Variants in RAPGEF5 observed in about 807,000 individuals in gnomAD.
RAPGEF5 encodes the protein M-Ras-regulated GEF.
A neutral mutation model predicts 125.2 loss-of-function variants in RAPGEF5; 65 were observed. The observed-to-expected ratio is 0.52, with a 90% confidence interval of 0.43 to 0.64. The LOEUF (loss-of-function observed/expected upper bound fraction) is 0.64. RAPGEF5 is among the 30% of genes least tolerant of loss of function. RAPGEF5 has a pLI of 0.00. For missense variants in RAPGEF5, 958 were observed against 1,048.1 expected, an observed-to-expected ratio of 0.91 and a Z score of 1.19; for synonymous variants, 391 against 385.9, an observed-to-expected ratio of 1.01 and a Z score of -0.16.
Position 22,140,115 on chromosome 7 carries a change from G to A in RAPGEF5, c.2187C>T (p.His729=). The A allele has an allele frequency of 6.4e-7, 1 of 1,553,218 alleles. No homozygotes were observed. The highest frequency in any genetic ancestry group is 8.7e-7 in the Non-Finnish European group (1 of 1,147,096). ...AATTCAGGTTTCTCTGGGCTTTGCAGCTATAAAATAAAAGAGAGTAGAGGA... is the reference window on the plus strand; with the variant it reads ...AATTCAGGTTTCTCTGGGCTTTGCAACTATAAAATAAAAGAGAGTAGAGGA... ...LVKKFIKIAA[H]CKAQRNLNSF... is the part of the protein sequence containing the mutation. Residue 729 remains histidine (H), a splice_region_variant and synonymous_variant, in exon 21 of 26, where the codon CAC becomes CAT. Transcript: ENST00000665637.
intron 11 of RAPGEF5, among the ~76,000 whole-genome samples, chr7:22,172,118 T>G (rs1784368081): frequency 6.6e-6 from 1 of 152,104 alleles, no homozygotes; most frequent in South Asian, 2.1e-4. Flanking sequence ...CTGCTACTAT[T>G]TTAATTTTTG....
intron 5 of RAPGEF5, among the ~76,000 whole-genome samples, chr7:22,292,527 C>CT (rs1423307288): frequency 2.0e-5 from 3 of 152,132 alleles, no homozygotes; most frequent in African/African-American, 7.2e-5. Context: ...AACTTGGGAT[C>CT]TTTTTTTAAT....
At chr7:22,173,472 G>GA (rs1784413053) in intron 11 of RAPGEF5, among the ~76,000 whole-genome samples, 2 of 152,086 alleles carry the variant, frequency 1.3e-5, no homozygotes, top group Non-Finnish European at 2.9e-5. Context: ...ATTTGTGGCA[G>GA]AAAAAAAGTG....
At chr7:22,176,543 G>A (rs1784514437) in intron 11 of RAPGEF5, among the ~76,000 whole-genome samples, 1 of 152,104 alleles carries the variant, frequency 6.6e-6, no homozygotes, top group Non-Finnish European at 1.5e-5. Context: ...GTTTATTTTT[G>A]AGATAGAGTC....
Position 22,271,749 on chromosome 7 carries a change from T to C in RAPGEF5, c.748-4737A>G, listed in dbSNP as rs1440162770. 7.9e-5 allele frequency among the ~76,000 whole-genome samples: 12 copies of C among 152,354 alleles called. No homozygotes were observed. In the East Asian group the frequency reaches 2.1e-3, roughly 27 times the overall value. ...AACTAGAGTCAGAAACATGTTGAAATGTTTTGGCTTTCTATCTTGGATAAC... is the reference window on the plus strand; with the variant it reads ...AACTAGAGTCAGAAACATGTTGAAACGTTTTGGCTTTCTATCTTGGATAAC... On this transcript the variant is annotated intron_variant, in intron 6 of 25. Coordinates refer to ENST00000665637, the MANE Select transcript of RAPGEF5 (RefSeq NM_012294.5).
chr7:22,143,261 T>G (rs1783322868), intron 20 of RAPGEF5, among the ~76,000 whole-genome samples: 1 of 152,198 alleles, frequency 6.6e-6, no homozygotes, highest in Non-Finnish European at 1.5e-5. Context: ...TTATCTATCC[T>G]TCCATGCCCA....
intron 11 of RAPGEF5, chr7:22,191,620 T>G: frequency 2.1e-6 from 1 of 470,868 alleles, no homozygotes; most frequent in Non-Finnish European, 4.4e-6. Flanking sequence ...AAGTGACACA[T>G]GTGATCCCAG....
At chr7:22,209,123 T>C (rs565464607) in intron 9 of RAPGEF5, among the ~76,000 whole-genome samples, 1 of 152,310 alleles carries the variant, frequency 6.6e-6, no homozygotes, top group African/African-American at 2.4e-5. Flanking sequence ...GAGATAAAGG[T>C]CAGAGGTGAT....
rs113271973 is a variant in RAPGEF5, at chr7:22,229,660, T to C, written c.870+1186A>G. Among the ~76,000 whole-genome samples the C allele has an allele frequency of 4.9e-3, 742 of 152,344 alleles. 10 individuals carry two copies. Among genetic ancestry groups the C allele is most frequent in the South Asian group, 0.027 (129 of 4,834 alleles). Reference sequence around the variant, plus strand: ...CACCTCGCATGACTTGAACTACTTATTCCATCCAGAGAACTTATATAGACG... The same window carrying C: ...CACCTCGCATGACTTGAACTACTTACTCCATCCAGAGAACTTATATAGACG... On this transcript the variant is annotated intron_variant, in intron 8 of 25. Coordinates refer to ENST00000665637, the MANE Select transcript of RAPGEF5 (RefSeq NM_012294.5).
intron 19 of RAPGEF5, among the ~76,000 whole-genome samples, chr7:22,145,949 T>G (rs1783423750): frequency 6.6e-6 from 1 of 151,518 alleles, no homozygotes; most frequent in African/African-American, 2.4e-5. Flanking sequence ...GAGATTTGTT[T>G]TTAAATGTGT....
intron 1 of RAPGEF5, among the ~76,000 whole-genome samples, chr7:22,326,484 G>A (rs7797387): frequency 0.32 from 49,154 of 152,098 alleles, 8,086 homozygotes; most frequent in Non-Finnish European, 0.35. Flanking sequence ...GACCTTTACA[G>A]AAAAGGTTGG....
At chr7:22,127,234 T>TTAGTAAAGA (rs1782777356) in intron 24 of RAPGEF5, among the ~76,000 whole-genome samples, 1 of 151,996 alleles carries the variant, frequency 6.6e-6, no homozygotes, top group Non-Finnish European at 1.5e-5. Context: ...AGACAGGGTT[T>TTAGTAAAGA]CACCATGTTC....
At chr7:22,258,238 C>T (rs149607399) in intron 7 of RAPGEF5, among the ~76,000 whole-genome samples, 1,900 of 152,150 alleles carry the variant, frequency 0.012, 20 homozygotes, top group Middle Eastern at 0.027. Flanking sequence ...AGATTGAAAG[C>T]GAAGAACAAA....
intron 7 of RAPGEF5, among the ~76,000 whole-genome samples, chr7:22,239,350 T>C (rs375630388): frequency 1.3e-5 from 2 of 152,190 alleles, no homozygotes; most frequent in Non-Finnish European, 2.9e-5. Flanking sequence ...AAGAAATGTA[T>C]TATTTTTATT....
chr7:22,232,924 G>A (rs1786095432), intron 7 of RAPGEF5, among the ~76,000 whole-genome samples: 1 of 152,198 alleles, frequency 6.6e-6, no homozygotes, highest in South Asian at 2.1e-4. Flanking sequence ...GGATAACTCT[G>A]ACCAGCTGAG....
chr7:22,169,784 C>T (rs1784287715), intron 11 of RAPGEF5, among the ~76,000 whole-genome samples: 2 of 133,912 alleles, frequency 1.5e-5, no homozygotes, highest in Non-Finnish European at 1.5e-5. Context: ...GGCTTGAACT[C>T]AGGCGGTGGA....
intron 25 of RAPGEF5, among the ~76,000 whole-genome samples, chr7:22,123,688 T>A (rs534371154): frequency 6.6e-6 from 1 of 152,224 alleles, no homozygotes; most frequent in Non-Finnish European, 1.5e-5. Context: ...GTAAACACAC[T>A]AGGTGTTAAA....
At chr7:22,234,819 GCAAA>G (rs963249734) in intron 7 of RAPGEF5, among the ~76,000 whole-genome samples, 6 of 151,550 alleles carry the variant, frequency 4.0e-5, no homozygotes, top group Non-Finnish European at 5.9e-5. Flanking sequence ...GTGCTAAAAT[GCAAA>G]CAAACAAACA....
intron 7 of RAPGEF5, among the ~76,000 whole-genome samples, chr7:22,264,105 T>G (rs928167353): frequency 6.6e-6 from 1 of 152,096 alleles, no homozygotes; most frequent in Admixed American, 6.6e-5. Context: ...ATTTTATTAT[T>G]TCCTTATCAT....
Sources: allele counts gnomAD v4.1 joint callset (sites outside exome capture counted in the v4.1 genomes callset), GRCh38; gene constraint gnomAD v4.1.1; transcripts MANE v1.5; gene names NCBI Gene and HGNC (gene_info 2026-07-23, HGNC 2026-07-21).